SLC4A4: variants seen among roughly 807,000 people sequenced by gnomAD.
SLC4A4 encodes solute carrier family 4 member 4, also known as electrogenic sodium bicarbonate cotransporter 1.
A neutral mutation model predicts 111.5 loss-of-function variants in SLC4A4; 27 were observed. The observed-to-expected ratio is 0.24, with a 90% CI of 0.18 to 0.33. The LOEUF is 0.33. SLC4A4 is among the 10% of genes least tolerant of loss of function. SLC4A4 has a pLI of 1.00. For missense variants in SLC4A4, 909 were observed against 1,315.5 expected (o/e 0.69, Z 4.78); for synonymous variants, 443 against 463.4 (o/e 0.96, Z 0.57).
chr4:71,174,413 G>A (rs1435400846), intron 2 of SLC4A4, among the ~76,000 whole-genome samples: 1 of 152,016 alleles, frequency 6.6e-6, no homozygotes, highest in South Asian at 2.1e-4. Flanking sequence ...ACTACGCCCA[G>A]CTAATTGTAT....
chr4:71,534,700 C>T (rs1734258188), intron 18 of SLC4A4, among the ~76,000 whole-genome samples: 2 of 152,082 alleles, frequency 1.3e-5, no homozygotes, highest in South Asian at 2.1e-4. Context: ...TAACTATCCT[C>T]AATAAAGACA....
At chr4:71,349,607 TTTAG>T (rs910380983) in intron 4 of SLC4A4, among the ~76,000 whole-genome samples, 1 of 152,174 alleles carries the variant, frequency 6.6e-6, no homozygotes, top group Non-Finnish European at 1.5e-5. Context: ...TATTAAAAAA[TTTAG>T]TTAAATAATT....
intron 3 of SLC4A4, among the ~76,000 whole-genome samples, chr4:71,292,842 G>GTTTTTTTTTTTTTTTT (rs869195687): frequency 9.1e-6 from 1 of 110,184 alleles, no homozygotes; most frequent in Admixed American, 1.0e-4. Flanking sequence ...GGTTTTTTTT[G>GTTTTTTTTTTTTTTTT]TTTTTTTTTT....
intron 7 of SLC4A4, chr4:71,437,146 G>C: frequency 2.2e-6 from 1 of 459,442 alleles, no homozygotes; most frequent in South Asian, 1.7e-5. Flanking sequence ...GTTCAGATCC[G>C]TCAGAGGGAT....
At chr4:71,204,794 A>C (rs1431562501) in intron 1 of SLC4A4, among the ~76,000 whole-genome samples, 2 of 152,224 alleles carry the variant, frequency 1.3e-5, no homozygotes, top group Non-Finnish European at 2.9e-5. Context: ...AATAATGAAT[A>C]TAGACCATGT....
intron 6 of SLC4A4, among the ~76,000 whole-genome samples, chr4:71,357,746 T>C (rs1730414132): frequency 6.6e-6 from 1 of 152,190 alleles, no homozygotes; most frequent in Non-Finnish European, 1.5e-5. Context: ...CCAAGAATAA[T>C]TATTCAAGAT....
intron 16 of SLC4A4, among the ~76,000 whole-genome samples, chr4:71,505,458 G>GTT (rs558503315): frequency 1.4e-5 from 2 of 145,250 alleles, no homozygotes; most frequent in African/African-American, 5.0e-5. Flanking sequence ...TAATGTTGAG[G>GTT]TTTTTTTTTT....
intron 3 of SLC4A4, among the ~76,000 whole-genome samples, chr4:71,259,361 C>T (rs1221558849): frequency 2.0e-5 from 3 of 151,982 alleles, no homozygotes; most frequent in African/African-American, 7.3e-5. Flanking sequence ...AGCTTCGTAT[C>T]CCCCTCTGAG....
chr4:71,253,148 G>A (rs187078136), intron 2 of SLC4A4, among the ~76,000 whole-genome samples: 1 of 152,256 alleles, frequency 6.6e-6, no homozygotes, highest in Non-Finnish European at 1.5e-5. Context: ...CACCACTTAT[G>A]TGATAATGAC....
intron 20 of SLC4A4, among the ~76,000 whole-genome samples, chr4:71,550,996 T>C (rs758766415): frequency 4.0e-5 from 6 of 151,864 alleles, no homozygotes; most frequent in Non-Finnish European, 8.8e-5. Context: ...TACTGAACTG[T>C]TGGGAAGCAA....
At chr4:71,363,676 C>T (rs1436053976) in intron 6 of SLC4A4, among the ~76,000 whole-genome samples, 3 of 152,206 alleles carry the variant, frequency 2.0e-5, no homozygotes, top group Non-Finnish European at 4.4e-5. Flanking sequence ...GAATCCTCTT[C>T]CTATGTGCCT....
chr4:71,129,012 T>C (rs558247833), intron 2 of SLC4A4, among the ~76,000 whole-genome samples: 2 of 152,156 alleles, frequency 1.3e-5, no homozygotes, highest in Non-Finnish European at 2.9e-5. Flanking sequence ...ATAAAAACCG[T>C]GGAAGATAAC....
In SLC4A4 at chr4:71,499,251, T is replaced by C. The variant is rs1560564548; in HGVS notation, c.2166+1559T>C. 4.6e-5 allele frequency among the ~76,000 whole-genome samples: 7 copies of C among 152,300 alleles called. No individual in the cohort carries two copies. In the South Asian group the frequency reaches 1.2e-3, roughly 27 times the overall value. ...AAATTTGTGAAGCACTTATAAGTCA[T>C]AATTTGCAAAATAAACTAGTTTCAA... On this transcript the variant is annotated intron_variant, in intron 16 of 25. Transcript: ENST00000264485.
intron 1 of SLC4A4, 107 bp from the exon 2 acceptor site, chr4:71,236,469 A>C: frequency 9.9e-7 from 1 of 1,005,562 alleles, no homozygotes; most frequent in Non-Finnish European, 1.5e-6. Flanking sequence ...CTGCCCTGCT[A>C]ACATGAACAA....
chr4:71,090,690 G>A (rs1385936380), intron 1 of SLC4A4, among the ~76,000 whole-genome samples: 8 of 152,166 alleles, frequency 5.3e-5, no homozygotes, highest in Non-Finnish European at 7.4e-5. Context: ...AAAGAAACAA[G>A]GGTTGTTCTT....
chr4:71,480,544 A>G lies in SLC4A4; in HGVS notation c.1904-6404A>G, dbSNP rs564668065. Among the ~76,000 whole-genome samples the G allele has an allele frequency of 1.1e-4, 17 of 151,842 alleles. No homozygotes were observed. The South Asian group carries it at 3.5e-3, about 31-fold the overall frequency. Reference sequence around the variant, plus strand: ...ATTGACCTAGAAATTAAAAGCATACATATTTAACTTAATCAAAAGGTACTA... The same window carrying G: ...ATTGACCTAGAAATTAAAAGCATACGTATTTAACTTAATCAAAAGGTACTA... On this transcript the variant is annotated intron_variant, in intron 14 of 25. Transcript: ENST00000264485.
In SLC4A4 at chr4:71,144,028, A is replaced by G. The variant is rs540208855; in HGVS notation, c.-2+51236A>G. On this transcript the variant is annotated intron_variant, in intron 2 of 26. Transcript: ENST00000649996. ...AGTCATGAAGTCCTTGCCCATGCCT[A>G]TGTCCTGAATGGTATTGCCTAGGTT... is the stretch of plus-strand genomic sequence containing the variant. Among the ~76,000 whole-genome samples, 3 of 152,334 alleles carry G rather than the reference A, an allele frequency of 2.0e-5. No individual in the cohort carries two copies. The East Asian group carries it at 5.8e-4, about 29-fold the overall frequency.
intron 16 of SLC4A4, among the ~76,000 whole-genome samples, chr4:71,527,559 T>A (rs1733525601): frequency 6.6e-6 from 1 of 151,954 alleles, no homozygotes; most frequent in Non-Finnish European, 1.5e-5. Context: ...TGCATAAGTT[T>A]GAGATGCCTG....
At chr4:71,399,389 A>G (rs975013346) in intron 7 of SLC4A4, among the ~76,000 whole-genome samples, 3 of 151,850 alleles carry the variant, frequency 2.0e-5, no homozygotes, top group African/African-American at 7.3e-5. Context: ...GGTGAATTCT[A>G]GAAAGTACGG....
Sources: gnomAD v4.1 joint callset for allele counts (sites outside exome capture counted in the v4.1 genomes callset) on GRCh38, gnomAD v4.1.1 for gene constraint, MANE v1.5 for transcripts, NCBI Gene and HGNC (gene_info 2026-07-23, HGNC 2026-07-21) for gene names.